CAPNS1: variants seen among roughly 807,000 people sequenced by gnomAD.
CAPNS1 encodes the protein calpain small subunit 1.
CAPNS1 carries 32 observed loss-of-function variants against 39.2 expected under a neutral mutation model. The ratio of observed to expected loss-of-function variants is 0.82; its 90% CI spans 0.62 to 1.10. The LOEUF (loss-of-function observed/expected upper bound fraction) is 1.10, where lower values mean the gene tolerates loss of function less well. Ranked by LOEUF, CAPNS1 falls within the 50% of genes least tolerant of loss-of-function variation. CAPNS1 has a pLI of 0.00. For missense variants in CAPNS1, 353 were observed against 373.1 expected, an observed-to-expected ratio of 0.95 and a Z score of 0.44; for synonymous variants, 153 against 136.2, an observed-to-expected ratio of 1.12 and a Z score of -0.86.
In CAPNS1 at chr19:36,146,046, A is replaced by C. The variant is rs1287420642; in HGVS notation, c.596A>C (p.Glu199Ala). 6.2e-7 allele frequency: 1 copy of C among 1,614,152 alleles called. No individual in the cohort carries two copies. The highest frequency in any genetic ancestry group is 8.5e-7 in the Non-Finnish European group (1 of 1,180,000). The change falls in exon 8 of 11, where the codon GAG becomes GCG. Residue 199 changes from glutamate to alanine, a missense_variant. Physicochemically the swap from Glu to Ala is moderately radical, Grantham distance 107 (BLOSUM62 -1). Transcript: ENST00000246533. ...AGTAGTGAACTCCCAGGTGCCTTTG[A>C]GGCAGCAGGTATGGCTGGCAGGGAC... ...ICSSELPGAF[E>A]AAGFHLNEHL...
intron 6 of CAPNS1, 32 bp from the exon 7 acceptor site, chr19:36,145,774 A>G (rs1568393945): frequency 6.3e-7 from 1 of 1,591,818 alleles, no homozygotes; most frequent in East Asian, 2.2e-5. Context: ...ATCTGGGTGT[A>G]GCTGTCACTC....
At chr19:36,146,436 C>T (rs1259083572) in intron 9 of CAPNS1, 124 bp downstream of exon 9, 1 of 721,304 alleles carries the variant, frequency 1.4e-6, no homozygotes, top group Non-Finnish European at 2.5e-6. Flanking sequence ...GAATCAGTTC[C>T]AGTTTCTGCC....
chr19:36,146,565 C>G (rs1001005563), intron 9 of CAPNS1, among the ~76,000 whole-genome samples: 1 of 152,096 alleles, frequency 6.6e-6, no homozygotes, highest in African/African-American at 2.4e-5. Context: ...ATGGGGGCAG[C>G]ACAGGCCGAG....
In CAPNS1 at chr19:36,150,320, G is replaced by C. The variant is rs1275913089; in HGVS notation, c.*481G>C. On this transcript the variant is annotated 3_prime_UTR_variant, in exon 11 of 11. Transcript: ENST00000246533. ...TCTGCTCCCAGCCTGCCAGGCCCAGGAGGAAATAAACATGCCCCAGTTGCT... is the reference window on the plus strand; with the variant it reads ...TCTGCTCCCAGCCTGCCAGGCCCAGCAGGAAATAAACATGCCCCAGTTGCT... 6.2e-6 allele frequency: 1 copy of C among 162,238 alleles called. No homozygotes were observed. Among genetic ancestry groups the C allele is most frequent in the East Asian group, 1.8e-4 (1 of 5,416 alleles). 10.0% of individuals were successfully genotyped at this position (162,238 alleles called of 1,614,324 possible). A position where few individuals can be genotyped will look rare whatever the true frequency, so the allele number is the denominator to read the frequency against.
At chr19:36,144,010 C>G (rs1974475011) in intron 6 of CAPNS1, 1 of 150,706 alleles carries the variant, frequency 6.6e-6, no homozygotes, top group Admixed American at 6.6e-5. Flanking sequence ...CCTGTCTCTA[C>G]TAAAAATACA....
intron 2 of CAPNS1, chr19:36,141,654 T>A: frequency 2.0e-6 from 2 of 982,070 alleles, no homozygotes; most frequent in Non-Finnish European, 1.2e-6. Flanking sequence ...AATGAGGAGG[T>A]GAGCCCAGGA....
intron 9 of CAPNS1, 134 bp downstream of exon 9, chr19:36,146,446 C>T: frequency 1.4e-6 from 1 of 701,106 alleles, no homozygotes; most frequent in South Asian, 1.5e-5. Context: ...CAGTTTCTGC[C>T]CTCATGGAGC....
rs983174597 is a variant in CAPNS1, at chr19:36,140,897, C to T, written c.-15-100C>T. 4.5e-6 allele frequency: 7 copies of T among 1,554,180 alleles called. No individual in the cohort carries two copies. The Admixed American group carries it at 1.3e-4, about 29-fold the overall frequency. On this transcript the variant is annotated intron_variant, in intron 1 of 10. Transcript: ENST00000246533. ...GCAAACTCAGACCCCCACCCGGAGG[C>T]TTCAGATTCCTCCCAGGTCCAGCTG... is the stretch of plus-strand genomic sequence containing the variant.
chr19:36,149,897 G>C lies in CAPNS1; in HGVS notation c.*58G>C. Reference sequence around the variant, plus strand: ...TGCTATAGGAGTCACCTGGAGCCTCGGTCTCTCCCAGGGCCGATCCTGTCT... The same window carrying C: ...TGCTATAGGAGTCACCTGGAGCCTCCGTCTCTCCCAGGGCCGATCCTGTCT... On this transcript the variant is annotated 3_prime_UTR_variant, in exon 11 of 11. Coordinates refer to ENST00000246533, the MANE Select transcript of CAPNS1 (RefSeq NM_001749.4). The C allele has an allele frequency of 5.0e-6, 7 of 1,388,436 alleles. No homozygotes were observed. The highest frequency in any genetic ancestry group is 6.6e-6 in the Non-Finnish European group (7 of 1,059,150). 86.0% of individuals were successfully genotyped at this position (1,388,436 alleles called of 1,614,324 possible).
At chr19:36,141,689 G>C (rs1974381268) in intron 2 of CAPNS1, 3 of 774,596 alleles carry the variant, frequency 3.9e-6, no homozygotes, top group Non-Finnish European at 4.8e-6. Flanking sequence ...ATGGGGTAGG[G>C]TAAATGGCCC....
intron 9 of CAPNS1, among the ~76,000 whole-genome samples, chr19:36,146,711 C>T (rs909248819): frequency 6.6e-6 from 1 of 151,984 alleles, no homozygotes; most frequent in Non-Finnish European, 1.5e-5. Context: ...GGAGAGGGAA[C>T]ATTGAGACCT....
intron 6 of CAPNS1, 147 bp from the exon 7 acceptor site, chr19:36,145,659 C>A: frequency 3.3e-6 from 2 of 608,510 alleles, no homozygotes; most frequent in South Asian, 2.1e-5. Context: ...AAAATAAAAC[C>A]GCACACCAGG....
Position 36,145,780 on chromosome 19 carries a change from C to A in CAPNS1, c.457-26C>A, listed in dbSNP as rs1974540410. 4 of 1,604,066 alleles carry A rather than the reference C, an allele frequency of 2.5e-6. No individual in the cohort carries two copies. The East Asian group carries it at 6.7e-5, about 27-fold the overall frequency. On this transcript the variant is annotated intron_variant, in intron 6 of 10. Transcript: ENST00000246533. ...GATGCATGCATCTGGGTGTAGCTGT[C>A]ACTCTTCTTAACACCCTCCCACCAG... is the stretch of plus-strand genomic sequence containing the variant.
intron 8 of CAPNS1, 31 bp from the exon 9 acceptor site, chr19:36,146,165 C>T (rs1290100371): frequency 5.0e-6 from 8 of 1,586,452 alleles, no homozygotes; most frequent in African/African-American, 1.3e-5. Context: ...GCCATGTGGC[C>T]CCCGCACCTG....
intron 9 of CAPNS1, 55 bp downstream of exon 9, chr19:36,146,367 C>T: frequency 1.8e-6 from 2 of 1,115,900 alleles, no homozygotes; most frequent in African/African-American, 1.5e-5. Flanking sequence ...CCTCTATGGA[C>T]CAAGGTCTCC....
In CAPNS1 at chr19:36,142,754, G is replaced by A; in HGVS notation, c.333+13G>A. On this transcript the variant is annotated intron_variant, in intron 4 of 10. Transcript: ENST00000246533. ...GCTGGCTGGAGATGTAAGTAACCTG[G>A]GGTCCCTGGCCCCGTCCTAACCGTT... 1 of 1,612,032 alleles carries A rather than the reference G, an allele frequency of 6.2e-7. No individual in the cohort carries two copies. The highest frequency in any genetic ancestry group is 8.5e-7 in the Non-Finnish European group (1 of 1,178,148).
chr19:36,147,691 A>G (rs1335856474), intron 9 of CAPNS1, among the ~76,000 whole-genome samples: 1 of 151,944 alleles, frequency 6.6e-6, no homozygotes, highest in Non-Finnish European at 1.5e-5. Context: ...GCATGAACCC[A>G]GGAGGCGGAG....
rs1599887452 is a variant in CAPNS1, at chr19:36,149,798, C to T, written c.781-15C>T. 2.0e-6 allele frequency: 3 copies of T among 1,525,918 alleles called. No homozygotes were observed. The highest frequency in any genetic ancestry group is 4.9e-5 in the East Asian group (2 of 40,708). The allele number at this position is 1,525,918 out of a possible 1,614,324, so 94.5% of individuals were successfully genotyped here. On this transcript the variant is annotated splice_polypyrimidine_tract_variant and intron_variant, in intron 10 of 10. Coordinates refer to ENST00000246533, the MANE Select transcript of CAPNS1 (RefSeq NM_001749.4). ...TGGGGTTCCCTGTCCTCACTCTCCACCCTCCTCTCCCCAGTGGCTGCAGCT... is the reference window on the plus strand; with the variant it reads ...TGGGGTTCCCTGTCCTCACTCTCCATCCTCCTCTCCCCAGTGGCTGCAGCT...
Position 36,142,973 on chromosome 19 carries a change from G to T in CAPNS1, c.391+7G>T, listed in dbSNP as rs1161693608. On this transcript the variant is annotated splice_region_variant and intron_variant, in intron 5 of 10. Coordinates refer to ENST00000246533, the MANE Select transcript of CAPNS1 (RefSeq NM_001749.4). ...AATAAGGTTGTGACACGACGTAAGTGACCGGGGTTAAGGAATAGGGTAGAT... is the reference window on the plus strand; with the variant it reads ...AATAAGGTTGTGACACGACGTAAGTTACCGGGGTTAAGGAATAGGGTAGAT... 1 of 1,614,036 alleles carries T rather than the reference G, an allele frequency of 6.2e-7. No homozygotes were observed. Among genetic ancestry groups the T allele is most frequent in the Non-Finnish European group, 8.5e-7 (1 of 1,180,018 alleles).
Sources: allele counts gnomAD v4.1 joint callset (sites outside exome capture counted in the v4.1 genomes callset), GRCh38; gene constraint gnomAD v4.1.1; transcripts MANE v1.5; gene names NCBI Gene and HGNC (gene_info 2026-07-23, HGNC 2026-07-21).